The following PTPN3 variants were observed in gnomAD, a reference collection of about 807,000 sequenced individuals.
The protein encoded by PTPN3 is protein tyrosine phosphatase non-receptor type 3.
A neutral mutation model predicts 132.7 loss-of-function variants in PTPN3; 96 were observed. That is an observed-to-expected ratio of 0.72 (90% CI 0.61 to 0.86). PTPN3 has a LOEUF of 0.86. Ranked by LOEUF, PTPN3 falls within the 40% of genes least tolerant of loss-of-function variation. The probability of loss-of-function intolerance (pLI) is 0.00; values close to 1 mark genes in which losing one functional copy is unlikely to be tolerated. For missense variants in PTPN3, 1,125 were observed against 1,159.6 expected, an observed-to-expected ratio of 0.97 and a Z score of 0.43; for synonymous variants, 398 against 429.0, an observed-to-expected ratio of 0.93 and a Z score of 0.89.
At chr9:109,420,694 T>C in intron 13 of PTPN3, 94 bp from the exon 14 acceptor site, 1 of 1,285,114 alleles carries the variant, frequency 7.8e-7, no homozygotes, top group Non-Finnish European at 1.1e-6. Flanking sequence ...CTGACCTTTC[T>C]AAGGATGCCT....
the PTPN3 span, among the ~76,000 whole-genome samples, chr9:109,534,622 C>CA: frequency 2.8e-5 from 3 of 107,812 alleles, no homozygotes; most frequent in East Asian, 2.4e-4. Context: ...ACTAAAAATA[C>CA]AAAAAAATAC....
chr9:109,440,087 C>T (rs1457232043), intron 7 of PTPN3, among the ~76,000 whole-genome samples: 1 of 152,126 alleles, frequency 6.6e-6, no homozygotes, highest in African/African-American at 2.4e-5. Context: ...CCTTTAGGGC[C>T]CCCAGCACCA....
intron 5 of PTPN3, chr9:109,451,450 C>T (rs1217913041): frequency 2.2e-6 from 2 of 907,094 alleles, no homozygotes; most frequent in East Asian, 2.4e-4. Flanking sequence ...GACAGACACA[C>T]ACTGTTTATT....
upstream of PTPN3, among the ~76,000 whole-genome samples, chr9:109,499,822 C>G (rs999360234): frequency 6.6e-5 from 10 of 152,198 alleles, no homozygotes; most frequent in Admixed American, 4.6e-4. Context: ...CGACGGAGCC[C>G]GGAGTCCAGG....
At chr9:109,405,243 A>C (rs1452909899) in intron 18 of PTPN3, among the ~76,000 whole-genome samples, 1 of 152,194 alleles carries the variant, frequency 6.6e-6, no homozygotes, top group Non-Finnish European at 1.5e-5. Context: ...CCAACCTTGC[A>C]CAGGTGGGGA....
chr9:109,472,166 T>C (rs1013264267), intron 1 of PTPN3, among the ~76,000 whole-genome samples: 8 of 152,246 alleles, frequency 5.3e-5, no homozygotes, highest in Non-Finnish European at 1.2e-4. Flanking sequence ...ACAGGAAAAC[T>C]GCCATCATTC....
intron 1 of PTPN3, among the ~76,000 whole-genome samples, chr9:109,467,986 C>A (rs1846183161): frequency 6.6e-6 from 1 of 152,186 alleles, no homozygotes; most frequent in African/African-American, 2.4e-5. Context: ...CTAAAGCAAA[C>A]CTTGGTAAGA....
chr9:109,404,312 T>C (rs1007464107), intron 19 of PTPN3, 136 bp downstream of exon 19: 1 of 627,044 alleles, frequency 1.6e-6, no homozygotes, highest in African/African-American at 1.9e-5. Flanking sequence ...TGACTGCTTT[T>C]GGTTTGTGAA....
At chr9:109,486,737 T>C (rs543115806) in intron 1 of PTPN3, among the ~76,000 whole-genome samples, 2 of 152,194 alleles carry the variant, frequency 1.3e-5, no homozygotes, top group African/African-American at 2.4e-5. Flanking sequence ...TCTCACTGAG[T>C]TGTAGTTCCC....
intron 1 of PTPN3, among the ~76,000 whole-genome samples, chr9:109,489,512 C>A (rs4978392): frequency 0.36 from 54,283 of 152,006 alleles, 10,316 homozygotes; most frequent in East Asian, 0.61. Flanking sequence ...TCCGGATTTA[C>A]CTAGGGCAGT....
At chr9:109,436,254 C>T (rs1425196610) in intron 9 of PTPN3, among the ~76,000 whole-genome samples, 1 of 152,210 alleles carries the variant, frequency 6.6e-6, no homozygotes, top group African/African-American at 2.4e-5. Context: ...GCTGAAGCTA[C>T]AACTTGTGTG....
chr9:109,465,706 C>CAA (rs34634972), intron 1 of PTPN3, among the ~76,000 whole-genome samples: 16,348 of 64,220 alleles, frequency 0.25, 1,992 homozygotes, highest in South Asian at 0.36. Context: ...AACTCTGTCT[C>CAA]AAAAAAAAAA....
At chr9:109,389,087 T>C in intron 22 of PTPN3, 146 bp downstream of exon 22, 7 of 1,013,784 alleles carry the variant, frequency 6.9e-6, no homozygotes, top group Non-Finnish European at 8.2e-6. Flanking sequence ...ACTAGGGGTG[T>C]CTATTGGTTG....
At chr9:109,535,274 C>G in the PTPN3 span, among the ~76,000 whole-genome samples, 1 of 152,130 alleles carries the variant, frequency 6.6e-6, no homozygotes, top group Admixed American at 6.5e-5. Flanking sequence ...ATTCACTGGC[C>G]GGCAGACTCC....
intron 1 of PTPN3, among the ~76,000 whole-genome samples, chr9:109,496,969 T>C (rs1847698884): frequency 6.6e-6 from 1 of 152,178 alleles, no homozygotes; most frequent in Admixed American, 6.5e-5. Flanking sequence ...AGGCTTTACT[T>C]TCTCCCATCA....
intron 1 of PTPN3, among the ~76,000 whole-genome samples, chr9:109,486,833 A>G (rs1217457157): frequency 1.3e-5 from 2 of 152,090 alleles, no homozygotes; most frequent in Non-Finnish European, 2.9e-5. Context: ...TTCTTGTGAT[A>G]GTGAGTTCTC....
At chr9:109,505,042 C>G in the PTPN3 span, among the ~76,000 whole-genome samples, 1 of 152,228 alleles carries the variant, frequency 6.6e-6, no homozygotes, top group African/African-American at 2.4e-5. Context: ...TTTGAAAAAC[C>G]AGCAGTGATG....
chr9:109,381,016 CAAAT>C (rs1173935971), intron 25 of PTPN3, among the ~76,000 whole-genome samples: 3 of 152,124 alleles, frequency 2.0e-5, no homozygotes, highest in Middle Eastern at 6.8e-3. Context: ...CCTTCTTTGT[CAAAT>C]GAATGAATGA....
intron 1 of PTPN3, among the ~76,000 whole-genome samples, chr9:109,497,887 C>T (rs1847746685): frequency 6.6e-6 from 1 of 150,686 alleles, no homozygotes; most frequent in Non-Finnish European, 1.5e-5. Flanking sequence ...GCCGGACGCA[C>T]GGGCTCCGCG....
Sources: allele counts gnomAD v4.1 joint callset (sites outside exome capture counted in the v4.1 genomes callset), GRCh38; gene constraint gnomAD v4.1.1; transcripts MANE v1.5; gene names NCBI Gene and HGNC (gene_info 2026-07-23, HGNC 2026-07-21).